Variants in TNFSF4 observed in about 807,000 individuals in gnomAD.
TNFSF4 encodes tumor necrosis factor ligand superfamily member 4.
TNFSF4 carries 4 observed loss-of-function variants against 7.3 expected under a neutral mutation model. The observed-to-expected ratio is 0.55, with a 90% confidence interval of 0.27 to 1.25. The LOEUF (loss-of-function observed/expected upper bound fraction) is 1.25. TNFSF4 is among the 50% of genes most tolerant of loss of function. The pLI is 0.12. For synonymous variants in TNFSF4, 76 were observed against 83.7 expected, an observed-to-expected ratio of 0.91 and a Z score of 0.50; for missense variants, 181 against 208.8, an observed-to-expected ratio of 0.87 and a Z score of 0.82.
chr1:173,172,958 A>G, the TNFSF4 span, among the ~76,000 whole-genome samples: 2 of 152,166 alleles, frequency 1.3e-5, no homozygotes, highest in Non-Finnish European at 2.9e-5. Flanking sequence ...CGGCAGGGGA[A>G]GCAAACATGT....
At chr1:173,219,318 T>C in the TNFSF4 span, among the ~76,000 whole-genome samples, 1 of 152,338 alleles carries the variant, frequency 6.6e-6, no homozygotes, top group African/African-American at 2.4e-5. Context: ...CTCAAGAGAC[T>C]AGTAAGAAAT....
the TNFSF4 span, among the ~76,000 whole-genome samples, chr1:173,312,900 G>C: frequency 6.6e-6 from 1 of 152,088 alleles, no homozygotes; most frequent in African/African-American, 2.4e-5. Context: ...ATCTTTGTTG[G>C]AATCAACCCT....
chr1:173,207,260 G>A lies in TNFSF4; in HGVS notation c.-84C>T. On this transcript the variant is annotated 5_prime_UTR_variant, in exon 1 of 3. Transcript: ENST00000281834. ...CTGAAGTTTTCCCCAGAAAGAAGGA[G>A]GTAAAGACAAAACAAAGCCTATCAA... 1 of 1,373,178 alleles carries A rather than the reference G, an allele frequency of 7.3e-7. No individual in the cohort carries two copies. Among genetic ancestry groups the A allele is most frequent in the Non-Finnish European group, 1.0e-6 (1 of 993,490 alleles). 85.1% of individuals were successfully genotyped at this position (1,373,178 alleles called of 1,614,324 possible). A position where few individuals can be genotyped will look rare whatever the true frequency, so the allele number is the denominator to read the frequency against.
At chr1:173,305,831 C>T in the TNFSF4 span, among the ~76,000 whole-genome samples, 1 of 151,826 alleles carries the variant, frequency 6.6e-6, no homozygotes, top group Non-Finnish European at 1.5e-5. Flanking sequence ...ATGAGACTAG[C>T]ATGGAGGAAA....
At chr1:173,283,425 C>A in the TNFSF4 span, among the ~76,000 whole-genome samples, 1 of 152,060 alleles carries the variant, frequency 6.6e-6, no homozygotes, top group Non-Finnish European at 1.5e-5. Context: ...GGAGGGTAGT[C>A]TAAATCAGAG....
the TNFSF4 span, among the ~76,000 whole-genome samples, chr1:173,213,288 T>G: frequency 6.6e-6 from 1 of 152,172 alleles, no homozygotes; most frequent in Non-Finnish European, 1.5e-5. Context: ...TTCTTCATGT[T>G]GCTTAGTTTT....
chr1:173,309,416 T>A, the TNFSF4 span, among the ~76,000 whole-genome samples: 4 of 151,902 alleles, frequency 2.6e-5, no homozygotes, highest in Non-Finnish European at 4.4e-5. Context: ...TTTTTTAAGA[T>A]CATGGATAGA....
chr1:173,216,943 T>G, the TNFSF4 span, among the ~76,000 whole-genome samples: 2 of 152,172 alleles, frequency 1.3e-5, no homozygotes, highest in African/African-American at 4.8e-5. Context: ...GGAAGAGATC[T>G]CAACTTTCTG....
At chr1:173,372,619 T>C in the TNFSF4 span, among the ~76,000 whole-genome samples, 1 of 152,102 alleles carries the variant, frequency 6.6e-6, no homozygotes, top group Non-Finnish European at 1.5e-5. Flanking sequence ...GCCATCAAAA[T>C]AATACAAGGA....
At chr1:173,336,719 T>G in the TNFSF4 span, among the ~76,000 whole-genome samples, 1 of 152,202 alleles carries the variant, frequency 6.6e-6, no homozygotes, top group African/African-American at 2.4e-5. Context: ...AGCAATACTC[T>G]AGTCTGTTGG....
At chr1:173,371,278 T>C in the TNFSF4 span, among the ~76,000 whole-genome samples, 5 of 152,344 alleles carry the variant, frequency 3.3e-5, no homozygotes, top group South Asian at 1.0e-3. Flanking sequence ...CAGTTGTAAT[T>C]GACAGACTTT....
the TNFSF4 span, among the ~76,000 whole-genome samples, chr1:173,438,028 A>G: frequency 6.6e-6 from 1 of 152,168 alleles, no homozygotes; most frequent in Non-Finnish European, 1.5e-5. Context: ...TTAATTTGGG[A>G]AAATTTGTAT....
chr1:173,235,774 G>A, the TNFSF4 span, among the ~76,000 whole-genome samples: 350 of 152,204 alleles, frequency 2.3e-3, 4 homozygotes, highest in East Asian at 0.042. Flanking sequence ...AGAACACAAC[G>A]TGAGATCTCA....
chr1:173,289,230 G>T, the TNFSF4 span, among the ~76,000 whole-genome samples: 1 of 152,126 alleles, frequency 6.6e-6, no homozygotes, highest in African/African-American at 2.4e-5. Flanking sequence ...AACCATCTGT[G>T]TAGATGGCAT....
the TNFSF4 span, among the ~76,000 whole-genome samples, chr1:173,400,836 A>C: frequency 6.6e-6 from 1 of 152,236 alleles, no homozygotes; most frequent in Non-Finnish European, 1.5e-5. Context: ...AGTTGGGGTC[A>C]CTTCACCAGG....
At chr1:173,432,748 C>T in the TNFSF4 span, among the ~76,000 whole-genome samples, 1 of 151,764 alleles carries the variant, frequency 6.6e-6, no homozygotes, top group Non-Finnish European at 1.5e-5. Context: ...AATGAAGGAG[C>T]ATTAAAAACC....
At chr1:173,413,913 A>G in the TNFSF4 span, among the ~76,000 whole-genome samples, 3 of 152,196 alleles carry the variant, frequency 2.0e-5, no homozygotes, top group Non-Finnish European at 2.9e-5. Context: ...ATCCAAAAGA[A>G]TGCTTCTACT....
the TNFSF4 span, among the ~76,000 whole-genome samples, chr1:173,334,663 T>A: frequency 6.6e-6 from 1 of 152,180 alleles, no homozygotes; most frequent in Non-Finnish European, 1.5e-5. Context: ...GAGAAGACCC[T>A]GATGAAGCTG....
the TNFSF4 span, among the ~76,000 whole-genome samples, chr1:173,264,317 C>CTTTTTTTTTTT: frequency 9.0e-6 from 1 of 110,538 alleles, no homozygotes; most frequent in Non-Finnish European, 1.7e-5. Context: ...CTGGCTTCTT[C>CTTTTTTTTTTT]TTTTTTTTTT....
Sources: gnomAD v4.1 joint callset for allele counts (sites outside exome capture counted in the v4.1 genomes callset) on GRCh38, gnomAD v4.1.1 for gene constraint, MANE v1.5 for transcripts, NCBI Gene and HGNC (gene_info 2026-07-23, HGNC 2026-07-21) for gene names.